ARHGAP26: variants seen among roughly 807,000 people sequenced by gnomAD.
ARHGAP26 encodes the protein rho GTPase-activating protein 26.
A neutral mutation model predicts 104.8 loss-of-function variants in ARHGAP26; 38 were observed. That is an observed-to-expected ratio of 0.36 (90% CI 0.28 to 0.48). ARHGAP26 has a LOEUF of 0.48. Among genes scored for constraint, ARHGAP26 ranks in the 20% least tolerant of loss-of-function variants. The pLI is 0.99. For missense variants in ARHGAP26, 704 were observed against 947.9 expected, an observed-to-expected ratio of 0.74 and a Z score of 3.38; for synonymous variants, 341 against 340.0, an observed-to-expected ratio of 1.00 and a Z score of -0.03.
At chr5:142,877,512 T>A (rs1326287333) in intron 3 of ARHGAP26, among the ~76,000 whole-genome samples, 1 of 152,152 alleles carries the variant, frequency 6.6e-6, no homozygotes, top group Admixed American at 6.5e-5. Context: ...TCGTAGAATC[T>A]TAGACTAAGT....
chr5:143,043,434 G>A (rs246662), intron 14 of ARHGAP26, among the ~76,000 whole-genome samples: 2 of 151,764 alleles, frequency 1.3e-5, no homozygotes, highest in East Asian at 1.9e-4. Context: ...GCACTTTGTC[G>A]AACCATTCAT....
At chr5:143,090,348 G>A (rs757732286) in intron 17 of ARHGAP26, among the ~76,000 whole-genome samples, 36 of 152,362 alleles carry the variant, frequency 2.4e-4, no homozygotes, top group Non-Finnish European at 3.8e-4. Context: ...TTTGTTTAAC[G>A]TGTGAATGGA....
At chr5:142,812,366 CTT>C (rs938925012) in intron 1 of ARHGAP26, among the ~76,000 whole-genome samples, 3 of 146,438 alleles carry the variant, frequency 2.0e-5, no homozygotes, top group Admixed American at 1.4e-4. Context: ...CAATCTTCCT[CTT>C]TTTTTTTTTT....
At chr5:142,848,004 G>A (rs1020489912) in intron 1 of ARHGAP26, among the ~76,000 whole-genome samples, 7 of 152,224 alleles carry the variant, frequency 4.6e-5, no homozygotes, top group African/African-American at 1.7e-4. Flanking sequence ...TCCTAGAAGA[G>A]TGCCTACCAC....
At chr5:142,867,503 G>C (rs1754528073) in intron 1 of ARHGAP26, among the ~76,000 whole-genome samples, 1 of 152,158 alleles carries the variant, frequency 6.6e-6, no homozygotes, top group Non-Finnish European at 1.5e-5. Flanking sequence ...CACAGTTTCT[G>C]ATTGGATATG....
intron 17 of ARHGAP26, among the ~76,000 whole-genome samples, chr5:143,102,550 T>C (rs3797076): frequency 0.094 from 14,248 of 152,256 alleles, 1,032 homozygotes; most frequent in East Asian, 0.21. Context: ...CCCATGCCGG[T>C]CACACAATTA....
chr5:142,841,791 G>A (rs1400986105), intron 1 of ARHGAP26, among the ~76,000 whole-genome samples: 1 of 152,254 alleles, frequency 6.6e-6, no homozygotes, highest in African/African-American at 2.4e-5. Flanking sequence ...AAGTAGAGTA[G>A]TGCCTGAGTC....
chr5:142,782,908 G>T (rs1757808998), intron 1 of ARHGAP26, among the ~76,000 whole-genome samples: 1 of 152,106 alleles, frequency 6.6e-6, no homozygotes, highest in Admixed American at 6.5e-5. Context: ...AGGTGTACAA[G>T]AATTCCCCTA....
rs75862597 is a variant in ARHGAP26, at chr5:143,152,447, A to G, written c.1988+5066A>G. On this transcript the variant is annotated intron_variant, in intron 20 of 22. Transcript: ENST00000645722. ...GATTTCCAGCTTCTTTTGAAGTGTC[A>G]GAAGAGTTGGTTACACTAAACCTAT... 1.8e-3 allele frequency among the ~76,000 whole-genome samples: 268 copies of G among 152,360 alleles called. 6 individuals carry two copies. The East Asian group carries it at 0.029, about 16-fold the overall frequency.
At chr5:143,080,280 TATTC>T (rs571535855) in intron 17 of ARHGAP26, among the ~76,000 whole-genome samples, 22 of 152,212 alleles carry the variant, frequency 1.4e-4, no homozygotes, top group Non-Finnish European at 2.4e-4. Flanking sequence ...TATTTGCACA[TATTC>T]ATTGAGTACC....
rs529730123 is a variant in ARHGAP26 at position 143,180,023 on chromosome 5, T to C, written c.1989-27175T>C. Among the ~76,000 whole-genome samples the C allele has an allele frequency of 4.6e-5, 7 of 152,330 alleles. 1 individual carries two copies. In the East Asian group the frequency reaches 1.4e-3, roughly 29 times the overall value. ...TTTGTCTTTGGTGGCACCACACTCT[T>C]GAAGTTTTCTGGACATCTCTCTGTC... On this transcript the variant is annotated intron_variant, in intron 20 of 22. Transcript: ENST00000645722.
rs544972700 is a variant in ARHGAP26, at chr5:142,963,208, G to A, written c.1107+31083G>A. ...TATATATATATATATATGTGTGTGT[G>A]TGTGTGTGTGTGCGCGTGTGTGTGT... On this transcript the variant is annotated intron_variant, in intron 11 of 22. Transcript: ENST00000645722. Among the ~76,000 whole-genome samples the A allele has an allele frequency of 5.0e-4, 49 of 98,398 alleles. No homozygotes were observed. In the East Asian group the frequency reaches 0.028, roughly 56 times the overall value. 64.6% of individuals were successfully genotyped at this position (98,398 alleles called of 152,430 possible).
chr5:143,002,323 G>T (rs1777292047), intron 11 of ARHGAP26, among the ~76,000 whole-genome samples: 1 of 143,378 alleles, frequency 7.0e-6, no homozygotes, highest in African/African-American at 2.6e-5. Flanking sequence ...AAGCACAAAA[G>T]AGCAAGGTTC....
chr5:142,952,264 T>C (rs1768513601), intron 11 of ARHGAP26, among the ~76,000 whole-genome samples: 2 of 152,212 alleles, frequency 1.3e-5, no homozygotes, highest in African/African-American at 4.8e-5. Context: ...AAGGGACTTT[T>C]CTTTCTTGGT....
intron 11 of ARHGAP26, among the ~76,000 whole-genome samples, chr5:142,981,057 A>G (rs1773873639): frequency 6.6e-6 from 1 of 152,194 alleles, no homozygotes; most frequent in East Asian, 1.9e-4. Flanking sequence ...TCTTTTGGCC[A>G]TGTTTTCATT....
At chr5:143,013,474 T>C (rs748456662) in intron 11 of ARHGAP26, among the ~76,000 whole-genome samples, 2 of 152,232 alleles carry the variant, frequency 1.3e-5, no homozygotes, top group Non-Finnish European at 2.9e-5. Context: ...AAGGGGTTTC[T>C]ATGGAAAATA....
rs1211390819 is a variant in ARHGAP26 at position 142,770,899 on chromosome 5, C to T, written c.138C>T (p.Leu46=). The T allele has an allele frequency of 6.2e-7, 1 of 1,609,412 alleles. No homozygotes were observed. Among genetic ancestry groups the T allele is most frequent in the Non-Finnish European group, 8.5e-7 (1 of 1,177,616 alleles). The change falls in exon 1 of 23, where the codon CTC becomes CTT. Residue 46 remains leucine, a synonymous_variant. Coordinates refer to ENST00000645722, the MANE Select transcript of ARHGAP26 (RefSeq NM_001135608.3). ...AGCTCATCAAGGACGGGAAGTCACT[C>T]ATAAGCGCGCTCAAGAGTGAGTGTC... ...IKELIKDGKS[L]ISALKNLSSA...
At chr5:142,890,149 AAAAT>A (rs1358417371) in intron 5 of ARHGAP26, among the ~76,000 whole-genome samples, 39 of 66,688 alleles carry the variant, frequency 5.8e-4, no homozygotes, top group African/African-American at 1.2e-3. Flanking sequence ...AAAAAAAAAA[AAAAT>A]ATATATATAT....
intron 14 of ARHGAP26, among the ~76,000 whole-genome samples, chr5:143,044,093 A>G (rs1441930970): frequency 2.6e-5 from 4 of 152,226 alleles, no homozygotes; most frequent in African/African-American, 4.8e-5. Context: ...TTCTATAGGA[A>G]GTAAGAAACT....
Sources: gnomAD v4.1 joint callset for allele counts (sites outside exome capture counted in the v4.1 genomes callset) on GRCh38, gnomAD v4.1.1 for gene constraint, MANE v1.5 for transcripts, NCBI Gene and HGNC (gene_info 2026-07-23, HGNC 2026-07-21) for gene names.